The following PCDH9 variants were observed in gnomAD, a reference collection of about 807,000 sequenced individuals.
The protein encoded by PCDH9 is protocadherin-9.
A neutral mutation model predicts 70.6 loss-of-function variants in PCDH9; 24 were observed. That is an observed-to-expected ratio of 0.34 (90% CI 0.25 to 0.48). The LOEUF (loss-of-function observed/expected upper bound fraction) is 0.48, where lower values mean the gene tolerates loss of function less well. Among genes scored for constraint, PCDH9 ranks in the 20% least tolerant of loss-of-function variants. PCDH9 has a pLI of 0.99. For synonymous variants in PCDH9, 562 were observed against 558.5 expected (o/e 1.01, Z -0.09); for missense variants, 1,281 against 1,503.6 (o/e 0.85, Z 2.45).
intron 3 of PCDH9, among the ~76,000 whole-genome samples, chr13:66,767,588 G>A (rs1266226456): frequency 6.6e-6 from 1 of 152,002 alleles, no homozygotes; most frequent in Non-Finnish European, 1.5e-5. Context: ...AAAGTACATG[G>A]TAGGTACTTT....
At chr13:66,505,755 G>C (rs1444028405) in intron 4 of PCDH9, among the ~76,000 whole-genome samples, 33 of 152,116 alleles carry the variant, frequency 2.2e-4, no homozygotes, top group Non-Finnish European at 2.9e-5. Flanking sequence ...CTCTCACTGG[G>C]TCCCTCATAC....
intron 2 of PCDH9, chr13:67,208,326 A>G (rs940361708): frequency 6.6e-6 from 1 of 152,156 alleles, no homozygotes; most frequent in African/African-American, 2.4e-5. Context: ...CAACATTAAA[A>G]AATTGGTGGG....
At chr13:67,058,379 TCTC>T (rs933644605) in intron 2 of PCDH9, among the ~76,000 whole-genome samples, 2 of 152,126 alleles carry the variant, frequency 1.3e-5, no homozygotes, top group Admixed American at 1.3e-4. Context: ...GACCCTGTGT[TCTC>T]CTGTGCCAAG....
intron 2 of PCDH9, among the ~76,000 whole-genome samples, chr13:66,913,889 C>T (rs2082513607): frequency 6.6e-6 from 1 of 151,712 alleles, no homozygotes; most frequent in Admixed American, 6.6e-5. Flanking sequence ...CTCTCATTTC[C>T]ACATGTTTTT....
chr13:67,039,993 A>C (rs973992185), intron 2 of PCDH9, among the ~76,000 whole-genome samples: 8 of 152,118 alleles, frequency 5.3e-5, no homozygotes, highest in African/African-American at 1.9e-4. Context: ...TTGGTGTGGA[A>C]AAAAGAAAAA....
chr13:66,564,304 A>G (rs1022123456), intron 4 of PCDH9, among the ~76,000 whole-genome samples: 7 of 151,810 alleles, frequency 4.6e-5, no homozygotes, highest in Non-Finnish European at 1.0e-4. Flanking sequence ...AGCTGGGACT[A>G]CAGGTGCACG....
rs745753576 is a variant in PCDH9, at chr13:67,226,556, A to C, written c.1885T>G (p.Ser629Ala). 3.7e-6 allele frequency: 6 copies of C among 1,613,634 alleles called. No homozygotes were observed. The highest frequency in any genetic ancestry group is 5.1e-6 in the Non-Finnish European group (6 of 1,179,678). The change falls in exon 2 of 5, where the codon TCA (serine) becomes GCA (alanine). Residue 629 changes from serine to alanine, a missense_variant. By Grantham distance (99) the Ser-to-Ala change is moderately conservative. This residue lies in a region of PCDH9 where 798 missense variants were observed against 1,003.1 expected (regional missense o/e 0.80). Coordinates refer to ENST00000377865, the MANE Select transcript of PCDH9 (RefSeq NM_203487.3). The surrounding 1 kb of genome is among the most constrained non-coding windows in gnomAD (Gnocchi z 5.0). ...VLDPYSGVIKSNVSFDREQQS... is the reference protein window; with the variant it reads ...VLDPYSGVIKANVSFDREQQS... ...TGCTCTCTATCAAATGAGACATTTG[A>C]CTTTATGACTCCAGAATAGGGATCC...
intron 2 of PCDH9, among the ~76,000 whole-genome samples, chr13:67,063,419 C>T (rs978333954): frequency 2.6e-5 from 4 of 151,944 alleles, no homozygotes; most frequent in Admixed American, 6.6e-5. Flanking sequence ...GCTTTAACTA[C>T]TTTGCATAAT....
chr13:66,366,014 ATTT>A (rs1956548317), intron 4 of PCDH9, among the ~76,000 whole-genome samples: 1 of 152,190 alleles, frequency 6.6e-6, no homozygotes, highest in East Asian at 1.9e-4. Context: ...TATCTCTGTG[ATTT>A]ATTGTAACAG....
chr13:67,019,188 C>CTTTTTTTT (rs60154161), intron 2 of PCDH9, among the ~76,000 whole-genome samples: 6 of 102,728 alleles, frequency 5.8e-5, no homozygotes, highest in Admixed American at 1.3e-4. Flanking sequence ...GGCAGTTGCT[C>CTTTTTTTT]TTTTTTTTTT....
chr13:66,602,733 T>G (rs1161085751), intron 4 of PCDH9, among the ~76,000 whole-genome samples: 1 of 145,736 alleles, frequency 6.9e-6, no homozygotes, highest in African/African-American at 2.5e-5. Flanking sequence ...GCAAAGTATG[T>G]CCTAGGCCTT....
intron 2 of PCDH9, among the ~76,000 whole-genome samples, chr13:67,056,628 T>C (rs1364553408): frequency 6.6e-6 from 1 of 152,156 alleles, no homozygotes; most frequent in South Asian, 2.1e-4. Flanking sequence ...TCTATAATAA[T>C]ATAAAAACCT....
intron 4 of PCDH9, among the ~76,000 whole-genome samples, chr13:66,568,992 G>GTTTT (rs1263205330): frequency 8.7e-5 from 7 of 80,698 alleles, no homozygotes; most frequent in South Asian, 4.3e-4. Context: ...TTGGAAACAT[G>GTTTT]TCTTTTTTTT....
chr13:66,790,030 G>T lies in PCDH9; in HGVS notation c.3138+113474C>A, dbSNP rs2080139891. On this transcript the variant is annotated intron_variant, in intron 3 of 4. Transcript: ENST00000377865. ...GGTTGCAGGGTAGTTACCAGGTAAT[G>T]CTAAACGTTTTTAAGGTGGCTCTAC... Among the ~76,000 whole-genome samples, 2 of 152,110 alleles carry T rather than the reference G, an allele frequency of 1.3e-5. 1 individual carries two copies. Among genetic ancestry groups the T allele is most frequent in the South Asian group, 4.1e-4 (2 of 4,832 alleles).
Position 66,497,109 on chromosome 13 carries a change from C to A in PCDH9, c.3340+134101G>T, listed in dbSNP as rs1287606789. 3.3e-5 allele frequency among the ~76,000 whole-genome samples: 5 copies of A among 151,722 alleles called. No homozygotes were observed. The East Asian group carries it at 7.7e-4, about 23-fold the overall frequency. ...TTTAGACGGGTCCTTGCTCTGTTGCCCAGGCTGAAGTGTAATGGCGGGATC... is the reference window on the plus strand; with the variant it reads ...TTTAGACGGGTCCTTGCTCTGTTGCACAGGCTGAAGTGTAATGGCGGGATC... On this transcript the variant is annotated intron_variant, in intron 4 of 4. Transcript: ENST00000377865.
intron 2 of PCDH9, among the ~76,000 whole-genome samples, chr13:67,138,087 T>TA (rs369877934): frequency 0.032 from 4,896 of 151,746 alleles, 217 homozygotes; most frequent in Admixed American, 0.13. Context: ...TTAGCTAAAT[T>TA]AAAAAAAAAT....
intron 2 of PCDH9, among the ~76,000 whole-genome samples, chr13:67,200,830 G>A (rs1393340926): frequency 6.6e-6 from 1 of 152,012 alleles, no homozygotes; most frequent in Non-Finnish European, 1.5e-5. Context: ...TTCCACATGT[G>A]TGAGCAATTC....
intron 4 of PCDH9, among the ~76,000 whole-genome samples, chr13:66,360,616 A>C (rs1956454138): frequency 6.6e-6 from 1 of 152,130 alleles, no homozygotes; most frequent in Non-Finnish European, 1.5e-5. Flanking sequence ...TTTTCTACCT[A>C]TAAGTAACAA....
intron 4 of PCDH9, among the ~76,000 whole-genome samples, chr13:66,518,873 G>A (rs1002191018): frequency 7.2e-5 from 11 of 152,134 alleles, no homozygotes; most frequent in African/African-American, 2.7e-4. Flanking sequence ...TAACACCAGG[G>A]CAAATTGCTT....
Sources: gnomAD v4.1 joint callset for allele counts (sites outside exome capture counted in the v4.1 genomes callset) on GRCh38, gnomAD v4.1.1 for gene constraint, gnomAD v4.1.1 regional missense constraint, Gnocchi (gnomAD v3.1) non-coding constraint, MANE v1.5 for transcripts, NCBI Gene and HGNC (gene_info 2026-07-23, HGNC 2026-07-21) for gene names.